TRAP1: variants seen among roughly 807,000 people sequenced by gnomAD.
TRAP1 encodes TNF receptor associated protein 1.
Under a neutral mutation model 89.1 loss-of-function variants are expected in TRAP1, and 102 were observed. The ratio of observed to expected loss-of-function variants is 1.15; its 90% confidence interval spans 0.98 to 1.35. The LOEUF (loss-of-function observed/expected upper bound fraction) is 1.35, where lower values mean the gene tolerates loss of function less well. Among genes scored for constraint, TRAP1 ranks in the 40% most tolerant of loss-of-function variants. The pLI is 0.00. For missense variants in TRAP1, 1,256 were observed against 945.3 expected (o/e 1.33, Z -4.31); for synonymous variants, 508 against 388.0 (o/e 1.31, Z -3.64).
At chr16:3,710,127 A>G (rs569043516) in intron 1 of TRAP1, among the ~76,000 whole-genome samples, 1 of 152,366 alleles carries the variant, frequency 6.6e-6, no homozygotes, top group South Asian at 2.1e-4. Flanking sequence ...ATCAGGAAAC[A>G]TAACTCCTTG....
chr16:3,663,719 G>A (rs527804576), intron 13 of TRAP1, 157 bp from the exon 14 acceptor site: 5 of 833,106 alleles, frequency 6.0e-6, no homozygotes, highest in South Asian at 1.8e-5. Flanking sequence ...CAGTTACTAC[G>A]ACACCTGGGT....
intron 1 of TRAP1, among the ~76,000 whole-genome samples, chr16:3,693,154 G>A (rs940237559): frequency 1.3e-5 from 2 of 151,414 alleles, no homozygotes; most frequent in Non-Finnish European, 2.9e-5. Context: ...TCACCTTATT[G>A]GTCAGGCTGC....
intron 1 of TRAP1, among the ~76,000 whole-genome samples, chr16:3,697,265 A>T (rs1301573642): frequency 6.6e-6 from 1 of 152,118 alleles, no homozygotes; most frequent in Non-Finnish European, 1.5e-5. Flanking sequence ...ATTTTTAAAT[A>T]TTTCCTATTT....
chr16:3,688,998 A>T (rs2051175195), intron 3 of TRAP1, 57 bp downstream of exon 3: 1 of 1,519,314 alleles, frequency 6.6e-7, no homozygotes, highest in South Asian at 1.2e-5. Flanking sequence ...TGGCATAAAA[A>T]CCAGCTTTGT....
intron 12 of TRAP1, among the ~76,000 whole-genome samples, chr16:3,665,687 G>GT (rs1296699822): frequency 6.6e-6 from 1 of 152,204 alleles, no homozygotes; most frequent in Non-Finnish European, 1.5e-5. Context: ...GAGACAGTGT[G>GT]TGCACGCCCT....
chr16:3,696,136 G>C (rs541452284), intron 1 of TRAP1, among the ~76,000 whole-genome samples: 1 of 152,266 alleles, frequency 6.6e-6, no homozygotes, highest in Admixed American at 6.5e-5. Context: ...ACGTCCCAGG[G>C]AAAGCCTTTG....
chr16:3,710,668 A>G (rs540075912), intron 1 of TRAP1, among the ~76,000 whole-genome samples: 182 of 152,222 alleles, frequency 1.2e-3, no homozygotes, highest in Non-Finnish European at 2.2e-3. Flanking sequence ...GCAAGTGTGA[A>G]CTAACATGGC....
chr16:3,693,579 T>G (rs756229551), intron 1 of TRAP1, among the ~76,000 whole-genome samples: 2 of 152,106 alleles, frequency 1.3e-5, no homozygotes, highest in Non-Finnish European at 2.9e-5. Context: ...CATATCAGTG[T>G]TTCTCACCAT....
At chr16:3,693,988 G>A (rs557824486) in intron 1 of TRAP1, among the ~76,000 whole-genome samples, 7 of 110,668 alleles carry the variant, frequency 6.3e-5, no homozygotes, top group African/African-American at 2.5e-4. Context: ...GTGAGACAGC[G>A]AGACTCTGTC....
At chr16:3,717,186 C>A (rs770607002) in intron 1 of TRAP1, among the ~76,000 whole-genome samples, 3 of 152,260 alleles carry the variant, frequency 2.0e-5, no homozygotes, top group Non-Finnish European at 4.4e-5. Flanking sequence ...AAGACCCAGC[C>A]TCCTTCAGGG....
In TRAP1 at chr16:3,663,517, G is replaced by A; in HGVS notation, c.1615C>T (p.Leu539Phe). ...AGCTTCTTCTTGTCAAACTCACGAAGGTGCAGCAGGGTGAGCTCATCAAAC... is the reference window on the plus strand; with the variant it reads ...AGCTTCTTCTTGTCAAACTCACGAAAGTGCAGCAGGGTGAGCTCATCAAAC... ...EQFDELTLLH[L>F]REFDKKKLIS... Residue 539 changes from leucine to phenylalanine, a missense_variant, in exon 14 of 18, where the codon CTT becomes TTT. Transcript: ENST00000246957. 6.2e-7 allele frequency: 1 copy of A among 1,614,100 alleles called. No homozygotes were observed. The highest frequency in any genetic ancestry group is 1.1e-5 in the South Asian group (1 of 91,062).
At chr16:3,711,893 T>C (rs1278532424) in intron 1 of TRAP1, among the ~76,000 whole-genome samples, 2 of 152,176 alleles carry the variant, frequency 1.3e-5, no homozygotes, top group Non-Finnish European at 2.9e-5. Context: ...CTGGCTACAC[T>C]TGAGGCACCA....
chr16:3,692,953 G>A (rs148761813), intron 1 of TRAP1, among the ~76,000 whole-genome samples: 95 of 149,564 alleles, frequency 6.4e-4, no homozygotes, highest in African/African-American at 2.3e-3. Flanking sequence ...CACAAACCTG[G>A]CCTTTTGTTT....
At chr16:3,665,660 C>T (rs1192495296) in intron 12 of TRAP1, among the ~76,000 whole-genome samples, 1 of 152,162 alleles carries the variant, frequency 6.6e-6, no homozygotes, top group Non-Finnish European at 1.5e-5. Flanking sequence ...TCCCCAGCCC[C>T]CAACATCCTC....
In TRAP1 at chr16:3,711,911, C is replaced by CG. The variant is rs2051536528; in HGVS notation, c.88+5509_88+5510insC. ...GCTACACTTGAGGCACCAAAAACGC[C>CG]ATCCATGAACATTCTCTGGCTTTGA... is the stretch of plus-strand genomic sequence containing the variant. On this transcript the variant is annotated intron_variant, in intron 1 of 17. Coordinates refer to ENST00000246957, the MANE Select transcript of TRAP1 (RefSeq NM_016292.3). 3.9e-5 allele frequency among the ~76,000 whole-genome samples: 6 copies of CG among 152,248 alleles called. No homozygotes were observed. The South Asian group carries it at 1.2e-3, about 32-fold the overall frequency.
intron 11 of TRAP1, 115 bp downstream of exon 11, chr16:3,671,584 GCCCCCATGTGCAGGCCGGGCTTC>G: frequency 1.2e-6 from 1 of 826,034 alleles, no homozygotes; most frequent in East Asian, 2.7e-5. Context: ...GCTCCTGAGG[GCCCCCATGTGCAGGCCGGGCTTC>G]CCCGACCACC....
chr16:3,659,612 A>C (rs1486524596), intron 16 of TRAP1: 1 of 152,172 alleles, frequency 6.6e-6, no homozygotes, highest in Non-Finnish European at 1.5e-5. Context: ...AGTCTGATAA[A>C]ACCGAGGGCT....
intron 1 of TRAP1, among the ~76,000 whole-genome samples, chr16:3,709,017 G>C (rs933917579): frequency 7.9e-5 from 12 of 151,612 alleles, no homozygotes; most frequent in Non-Finnish European, 1.3e-4. Context: ...GGGTTTCACC[G>C]TGTTAGCCAG....
chr16:3,664,400 G>T lies in TRAP1; in HGVS notation c.1443C>A (p.Thr481=). The change falls in exon 13 of 18, where the codon ACC becomes ACA. Residue 481 remains threonine, a synonymous_variant. Transcript: ENST00000246957. ...TGCGGCTGGCGTATTCTGAGAGGCT[G>T]GTTAGCTGCCCGGAGGGCAGCGCCG... is the stretch of plus-strand genomic sequence containing the variant. ...ESSALPSGQL[T]SLSEYASRMR... The T allele has an allele frequency of 1.9e-6, 3 of 1,612,422 alleles. No individual in the cohort carries two copies. Among genetic ancestry groups the T allele is most frequent in the Non-Finnish European group, 1.7e-6 (2 of 1,179,446 alleles).
Sources: allele counts gnomAD v4.1 joint callset (sites outside exome capture counted in the v4.1 genomes callset), GRCh38; gene constraint gnomAD v4.1.1; transcripts MANE v1.5; gene names NCBI Gene and HGNC (gene_info 2026-07-23, HGNC 2026-07-21).